Variants in RELN observed in about 807,000 individuals in gnomAD.
RELN encodes reelin.
Under a neutral mutation model 427.6 loss-of-function variants are expected in RELN, and 108 were observed. The ratio of observed to expected loss-of-function variants is 0.25; its 90% CI spans 0.22 to 0.30. The LOEUF is 0.30. RELN is among the 10% of genes least tolerant of loss of function. The pLI, the probability that RELN is intolerant of heterozygous loss-of-function variation, is 1.00. For missense variants in RELN, 3,715 were observed against 4,302.8 expected (o/e 0.86, Z 3.82); for synonymous variants, 1,524 against 1,513.4 (o/e 1.01, Z -0.16).
intron 3 of RELN, among the ~76,000 whole-genome samples, chr7:103,793,140 G>A (rs1460591774): frequency 6.6e-6 from 1 of 152,164 alleles, no homozygotes; most frequent in Non-Finnish European, 1.5e-5. Flanking sequence ...AGCCCAGGGA[G>A]AGAATAATTT....
In RELN at chr7:103,557,124, A is replaced by G. The variant is rs911051071; in HGVS notation, c.5650T>C (p.Phe1884Leu). ...CAAGTGATTCCTCCACTGATGGAGAATTGTAACAGAATAGAGTGAGATCTC... is the reference window on the plus strand; with the variant it reads ...CAAGTGATTCCTCCACTGATGGAGAGTTGTAACAGAATAGAGTGAGATCTC... The part of the protein sequence containing the change: ...PERSHSILLQ[F>L]SISGGITWHL... The change falls in exon 38 of 65, where the codon TTC becomes CTC. Residue 1884 changes from phenylalanine to leucine, a missense_variant. By Grantham distance (22) the Phe-to-Leu change is conservative. Around this residue, in one of 4 missense-constraint regions of RELN, gnomAD observed 2,208 missense variants for 2,361.7 expected, o/e 0.93. Transcript: ENST00000428762. 1 of 1,613,774 alleles carries G rather than the reference A, an allele frequency of 6.2e-7. No individual in the cohort carries two copies. Among genetic ancestry groups the G allele is most frequent in the Non-Finnish European group, 8.5e-7 (1 of 1,179,628 alleles).
intron 6 of RELN, among the ~76,000 whole-genome samples, chr7:103,747,120 G>C (rs1790857893): frequency 6.6e-6 from 1 of 152,092 alleles, no homozygotes; most frequent in African/African-American, 2.4e-5. Flanking sequence ...GTAGGGACAT[G>C]GATGAAACTG....
intron 2 of RELN, among the ~76,000 whole-genome samples, chr7:103,872,052 CTTTT>C (rs1161607329): frequency 1.9e-3 from 158 of 83,120 alleles, no homozygotes; most frequent in Middle Eastern, 0.011. Flanking sequence ...TCTTTTTTTT[CTTTT>C]TTTATTTATT....
At chr7:103,815,543 C>T (rs943390767) in intron 3 of RELN, among the ~76,000 whole-genome samples, 3 of 152,210 alleles carry the variant, frequency 2.0e-5, no homozygotes, top group Admixed American at 2.0e-4. Flanking sequence ...GTGATTCATA[C>T]TTCTCCATCA....
At chr7:103,699,400 G>A (rs1028684332) in intron 9 of RELN, among the ~76,000 whole-genome samples, 4 of 152,106 alleles carry the variant, frequency 2.6e-5, no homozygotes, top group African/African-American at 9.7e-5. Context: ...TGAAATTGAT[G>A]AAGAGAATAT....
At chr7:103,831,976 A>G (rs1443249565) in intron 3 of RELN, among the ~76,000 whole-genome samples, 1 of 152,142 alleles carries the variant, frequency 6.6e-6, no homozygotes, top group Non-Finnish European at 1.5e-5. Context: ...TGGAAGGAAA[A>G]TGTTCACTCA....
At chr7:103,623,767 C>A (rs895667603) in intron 20 of RELN, among the ~76,000 whole-genome samples, 2 of 152,164 alleles carry the variant, frequency 1.3e-5, no homozygotes, top group Admixed American at 6.6e-5. Context: ...TGCTTGCTAA[C>A]TGTGTGCAGA....
intron 2 of RELN, among the ~76,000 whole-genome samples, chr7:103,908,706 C>A (rs1464279116): frequency 6.6e-6 from 1 of 151,996 alleles, no homozygotes; most frequent in Non-Finnish European, 1.5e-5. Flanking sequence ...GGGAAATATC[C>A]CTGAATTATT....
chr7:103,791,325 T>C (rs762059190), intron 3 of RELN, among the ~76,000 whole-genome samples: 2 of 152,150 alleles, frequency 1.3e-5, no homozygotes, highest in Non-Finnish European at 2.9e-5. Context: ...GCTGGAGGAC[T>C]TGCACTTCCT....
At chr7:103,851,355 G>C (rs1055967034) in intron 2 of RELN, among the ~76,000 whole-genome samples, 1 of 152,120 alleles carries the variant, frequency 6.6e-6, no homozygotes, top group Non-Finnish European at 1.5e-5. Flanking sequence ...GAGGAGGTAA[G>C]GGATAAAACA....
rs541011539 is a variant in RELN, at chr7:103,623,228, G to A, written c.2702+6712C>T. ...GACAATCATTTACTGTGAAATGGTC[G>A]CTGAGGTGGCTCCTGGGAGCCATCT... On this transcript the variant is annotated intron_variant, in intron 20 of 64. Coordinates refer to ENST00000428762, the MANE Select transcript of RELN (RefSeq NM_005045.4). Among the ~76,000 whole-genome samples, 536 of 152,224 alleles carry A rather than the reference G, an allele frequency of 3.5e-3. 5 individuals carry two copies. Among genetic ancestry groups the A allele is most frequent in the African/African-American group, 0.012 (510 of 41,532 alleles).
At chr7:103,668,561 T>C (rs578109660) in intron 11 of RELN, among the ~76,000 whole-genome samples, 1 of 152,188 alleles carries the variant, frequency 6.6e-6, no homozygotes, top group Non-Finnish European at 1.5e-5. Context: ...ATATTATGTA[T>C]GCCAGGATGA....
intron 16 of RELN, among the ~76,000 whole-genome samples, chr7:103,642,942 C>T (rs1832724051): frequency 6.6e-6 from 1 of 152,056 alleles, no homozygotes; most frequent in South Asian, 2.1e-4. Flanking sequence ...ACCCCTTCAT[C>T]TTTAGATGTT....
intron 2 of RELN, among the ~76,000 whole-genome samples, chr7:103,868,658 T>A (rs1225024531): frequency 1.3e-5 from 2 of 152,096 alleles, no homozygotes; most frequent in East Asian, 3.9e-4. Flanking sequence ...GAGTTAAATT[T>A]AAAATCTCCA....
intron 6 of RELN, among the ~76,000 whole-genome samples, chr7:103,744,993 G>A (rs1790778927): frequency 6.6e-6 from 1 of 152,182 alleles, no homozygotes; most frequent in African/African-American, 2.4e-5. Flanking sequence ...TATCCTTGAT[G>A]AACATCGATG....
At chr7:103,477,238 C>G (rs772989412) in intron 64 of RELN, among the ~76,000 whole-genome samples, 1 of 152,098 alleles carries the variant, frequency 6.6e-6, no homozygotes, top group Non-Finnish European at 1.5e-5. Flanking sequence ...TGACTCTGTG[C>G]TCTTTTGAAC....
chr7:103,727,861 T>C, intron 7 of RELN, among the ~76,000 whole-genome samples: 1 of 152,124 alleles, frequency 6.6e-6, no homozygotes, highest in East Asian at 1.9e-4. Context: ...TAAAAAGCCA[T>C]CTAATCATAG....
At chr7:103,884,378 A>G (rs1794677238) in intron 2 of RELN, among the ~76,000 whole-genome samples, 1 of 152,204 alleles carries the variant, frequency 6.6e-6, no homozygotes, top group Admixed American at 6.5e-5. Flanking sequence ...ATGGGCAAAG[A>G]CTTCGTGTCT....
At chr7:103,928,713 C>T (rs1795797970) in intron 1 of RELN, among the ~76,000 whole-genome samples, 1 of 152,184 alleles carries the variant, frequency 6.6e-6, no homozygotes, top group Non-Finnish European at 1.5e-5. Flanking sequence ...TGTAATGGAA[C>T]ACCTGTTCTT....
Sources: gnomAD v4.1 joint callset for allele counts (sites outside exome capture counted in the v4.1 genomes callset) on GRCh38, gnomAD v4.1.1 for gene constraint, gnomAD v4.1.1 regional missense constraint, MANE v1.5 for transcripts, NCBI Gene and HGNC (gene_info 2026-07-23, HGNC 2026-07-21) for gene names.